Variants in SGMS1 observed in about 807,000 individuals in gnomAD.
SGMS1 encodes sphingomyelin synthase 1.
In SGMS1, 13 loss-of-function variants were observed where a neutral mutation model predicts 46.2. The observed-to-expected ratio is 0.28, with a 90% CI of 0.18 to 0.45. SGMS1 has a LOEUF of 0.45. SGMS1 is among the 20% of genes least tolerant of loss of function. The probability of loss-of-function intolerance (pLI) is 1.00; values close to 1 mark genes in which losing one functional copy is unlikely to be tolerated. For synonymous variants in SGMS1, 203 were observed against 187.8 expected (o/e 1.08, Z -0.66); for missense variants, 324 against 519.9 (o/e 0.62, Z 3.66).
At chr10:50,563,674 C>T (rs947959879) in intron 2 of SGMS1, among the ~76,000 whole-genome samples, 85 of 128,670 alleles carry the variant, frequency 6.6e-4, no homozygotes, top group Non-Finnish European at 2.2e-4. Flanking sequence ...ACCCGGGAGG[C>T]GGAGCTTGCA....
chr10:50,346,917 G>A (rs982263381), intron 6 of SGMS1, among the ~76,000 whole-genome samples: 1 of 152,030 alleles, frequency 6.6e-6, no homozygotes, highest in African/African-American at 2.4e-5. Context: ...TATGTTGCTC[G>A]GGCTGGCCCA....
intron 7 of SGMS1, chr10:50,342,600 T>C (rs1589394231): frequency 6.6e-6 from 1 of 152,230 alleles, no homozygotes; most frequent in Admixed American, 6.5e-5. Flanking sequence ...TGCTGTAAGA[T>C]GAATTCCTTA....
In SGMS1 at chr10:50,386,154, C is replaced by A. The variant is rs565365330; in HGVS notation, c.-231-41809G>T. Among the ~76,000 whole-genome samples, 4 of 152,220 alleles carry A rather than the reference C, an allele frequency of 2.6e-5. No individual in the cohort carries two copies. The South Asian group carries it at 8.3e-4, about 32-fold the overall frequency. ...AAGAAACTGGAAAATAAATGTGAAA[C>A]TAACCCTAGAGGGGTCTTAAGAGGC... On this transcript the variant is annotated intron_variant, in intron 6 of 10. Coordinates refer to ENST00000361781, the MANE Select transcript of SGMS1 (RefSeq NM_147156.4).
chr10:50,528,931 C>T lies in SGMS1; in HGVS notation c.-588-9010G>A, dbSNP rs140723032. 4.6e-3 allele frequency among the ~76,000 whole-genome samples: 699 copies of T among 152,314 alleles called. 5 individuals carry two copies. The highest frequency in any genetic ancestry group is 7.1e-3 in the Non-Finnish European group (486 of 68,014). On this transcript the variant is annotated intron_variant, in intron 2 of 10. Transcript: ENST00000361781. ...ACTACTAGAAATCTCATTCCATCAT[C>T]CAGTTCAGTCAGAATGTCCCTTGGA... is the stretch of plus-strand genomic sequence containing the variant.
chr10:50,464,609 T>G (rs1020097881), intron 4 of SGMS1, among the ~76,000 whole-genome samples: 1 of 152,202 alleles, frequency 6.6e-6, no homozygotes, highest in East Asian at 1.9e-4. Flanking sequence ...ATTTTTGTAT[T>G]TTTTGGTAGA....
intron 8 of SGMS1, among the ~76,000 whole-genome samples, chr10:50,326,506 G>A (rs575114943): frequency 6.6e-6 from 1 of 152,252 alleles, no homozygotes; most frequent in East Asian, 1.9e-4. Flanking sequence ...AGAGAAATTA[G>A]CCTCTTTTAA....
At chr10:50,436,320 G>T (rs1849473433) in intron 5 of SGMS1, among the ~76,000 whole-genome samples, 1 of 152,062 alleles carries the variant, frequency 6.6e-6, no homozygotes, top group South Asian at 2.1e-4. Flanking sequence ...TGTTAGCCAG[G>T]ATGGTCTTGA....
chr10:50,486,023 C>T (rs1345621945), intron 3 of SGMS1, among the ~76,000 whole-genome samples: 1 of 152,134 alleles, frequency 6.6e-6, no homozygotes, highest in Non-Finnish European at 1.5e-5. Flanking sequence ...CAAACCTCTA[C>T]AACCACCTCA....
At chr10:50,314,986 G>A (rs192312545) in intron 8 of SGMS1, among the ~76,000 whole-genome samples, 6 of 152,236 alleles carry the variant, frequency 3.9e-5, no homozygotes, top group Admixed American at 3.9e-4. Flanking sequence ...TTCAAAACCT[G>A]GTCTTTCTAG....
At chr10:50,615,525 C>T (rs902092970) in intron 1 of SGMS1, among the ~76,000 whole-genome samples, 4 of 152,180 alleles carry the variant, frequency 2.6e-5, no homozygotes, top group Admixed American at 1.3e-4. Flanking sequence ...AGCTTCTACA[C>T]GATGAGGCTG....
chr10:50,613,922 C>A (rs1166686690), intron 1 of SGMS1, among the ~76,000 whole-genome samples: 1 of 152,142 alleles, frequency 6.6e-6, no homozygotes, highest in East Asian at 1.9e-4. Context: ...AGCTATGTGA[C>A]CTCGTGGCAG....
intron 5 of SGMS1, among the ~76,000 whole-genome samples, chr10:50,451,356 T>G (rs1423350909): frequency 6.6e-6 from 1 of 152,240 alleles, no homozygotes; most frequent in Non-Finnish European, 1.5e-5. Flanking sequence ...AACACACTAC[T>G]AACTTTCAAA....
At chr10:50,416,080 G>C (rs1367781859) in intron 6 of SGMS1, among the ~76,000 whole-genome samples, 2 of 152,220 alleles carry the variant, frequency 1.3e-5, no homozygotes, top group African/African-American at 2.4e-5. Flanking sequence ...TAGCCTTCTA[G>C]AGTAAATGCA....
At chr10:50,516,333 C>T (rs957811409) in intron 3 of SGMS1, among the ~76,000 whole-genome samples, 1 of 152,154 alleles carries the variant, frequency 6.6e-6, no homozygotes, top group Non-Finnish European at 1.5e-5. Flanking sequence ...AGAGATGATG[C>T]CTCTAATTCA....
intron 4 of SGMS1, among the ~76,000 whole-genome samples, chr10:50,465,933 A>G (rs1195259576): frequency 6.9e-6 from 1 of 145,302 alleles, no homozygotes; most frequent in African/African-American, 2.6e-5. Flanking sequence ...TCAGCCACAA[A>G]AAAAATAATA....
At chr10:50,611,952 G>T (rs1838754194) in intron 1 of SGMS1, among the ~76,000 whole-genome samples, 1 of 152,170 alleles carries the variant, frequency 6.6e-6, no homozygotes, top group Non-Finnish European at 1.5e-5. Context: ...GGCAAAGCCT[G>T]CCTTCCCACC....
intron 3 of SGMS1, chr10:50,474,281 C>T (rs888882077): frequency 1.1e-4 from 16 of 152,344 alleles, no homozygotes; most frequent in African/African-American, 3.6e-4. Flanking sequence ...AAACAGCTTA[C>T]ATCACTTAGT....
intron 6 of SGMS1, among the ~76,000 whole-genome samples, chr10:50,346,550 T>C (rs1457096487): frequency 6.6e-6 from 1 of 152,162 alleles, no homozygotes; most frequent in Non-Finnish European, 1.5e-5. Flanking sequence ...TAATCTCTCC[T>C]GGGGATAGCA....
chr10:50,527,067 A>T (rs1172851240), intron 2 of SGMS1, among the ~76,000 whole-genome samples: 2 of 42,320 alleles, frequency 4.7e-5, no homozygotes, highest in Non-Finnish European at 1.6e-4. Context: ...CTGTCTCAAA[A>T]AAAAAAAAAA....
Sources: gnomAD v4.1 joint callset for allele counts (sites outside exome capture counted in the v4.1 genomes callset) on GRCh38, gnomAD v4.1.1 for gene constraint, MANE v1.5 for transcripts, NCBI Gene and HGNC (gene_info 2026-07-23, HGNC 2026-07-21) for gene names.